The following WDHD1 variants were observed in gnomAD, a reference collection of about 807,000 sequenced individuals.
The protein encoded by WDHD1 is WD repeat and HMG-box DNA binding protein 1.
A neutral mutation model predicts 135.4 loss-of-function variants in WDHD1; 111 were observed. The ratio of observed to expected loss-of-function variants is 0.82; its 90% CI spans 0.70 to 0.96. The LOEUF (loss-of-function observed/expected upper bound fraction) is 0.96, where lower values mean the gene tolerates loss of function less well. WDHD1 is among the 40% of genes least tolerant of loss of function. The probability of loss-of-function intolerance (pLI) is 0.00; values close to 1 mark genes in which losing one functional copy is unlikely to be tolerated. For missense variants in WDHD1, 1,351 were observed against 1,336.3 expected (o/e 1.01, Z -0.17); for synonymous variants, 434 against 439.0 (o/e 0.99, Z 0.14).
intron 10 of WDHD1, among the ~76,000 whole-genome samples, chr14:54,999,390 ACTAGAACACT>A (rs1250795627): frequency 6.6e-6 from 1 of 152,162 alleles, no homozygotes; most frequent in African/African-American, 2.4e-5. Context: ...AGATGTTGAG[ACTAGAACACT>A]CTATGTGCTT....
At chr14:54,953,542 A>G (rs1057256938) in intron 24 of WDHD1, among the ~76,000 whole-genome samples, 17 of 152,232 alleles carry the variant, frequency 1.1e-4, no homozygotes, top group East Asian at 5.8e-4. Context: ...AACTAGTTCA[A>G]CCATTGTGGA....
intron 21 of WDHD1, among the ~76,000 whole-genome samples, chr14:54,960,022 A>G (rs2041225352): frequency 6.6e-6 from 1 of 152,120 alleles, no homozygotes; most frequent in Admixed American, 6.6e-5. Flanking sequence ...AGAAACTGAG[A>G]ATCACTCTTT....
chr14:54,954,748 A>G (rs1443374746), intron 24 of WDHD1, among the ~76,000 whole-genome samples: 1 of 151,994 alleles, frequency 6.6e-6, no homozygotes, highest in Non-Finnish European at 1.5e-5. Flanking sequence ...GGTTTTTTTG[A>G]GACAGAGTTT....
chr14:54,952,094 C>T (rs1283947990), intron 24 of WDHD1, among the ~76,000 whole-genome samples: 3 of 152,158 alleles, frequency 2.0e-5, no homozygotes, highest in Admixed American at 2.0e-4. Context: ...GACAGGGATG[C>T]CCTCTCTCAC....
intron 21 of WDHD1, 66 bp downstream of exon 21, chr14:54,962,432 G>A: frequency 1.6e-6 from 2 of 1,220,034 alleles, no homozygotes; most frequent in Admixed American, 1.7e-5. Context: ...TATTTGCGTA[G>A]ATGTGTCACT....
chr14:54,957,969 G>T (rs984072431), intron 21 of WDHD1, among the ~76,000 whole-genome samples: 3 of 152,096 alleles, frequency 2.0e-5, no homozygotes, highest in Admixed American at 2.0e-4. Context: ...TGCTTTGTCA[G>T]AAAACCTGAC....
At chr14:54,944,615 A>AT in intron 24 of WDHD1, 145 bp from the exon 25 acceptor site, 3 of 534,634 alleles carry the variant, frequency 5.6e-6, no homozygotes, top group South Asian at 4.9e-5. Flanking sequence ...AATTCATGTT[A>AT]CTTTTTTTTT....
rs186635441 is a variant in WDHD1, at chr14:54,995,005, G to A, written c.1153+598C>T. On this transcript the variant is annotated intron_variant, in intron 11 of 25. Transcript: ENST00000360586. The stretch of plus-strand genomic sequence containing the variant: ...TGATCTTTTCTTTTCTTTGGAGATG[G>A]AGTCTTGCTCTGTTGCCCATGCTGG... Among the ~76,000 whole-genome samples the A allele has an allele frequency of 3.1e-3, 469 of 152,172 alleles. 2 individuals carry two copies. Among genetic ancestry groups the A allele is most frequent in the African/African-American group, 0.011 (446 of 41,492 alleles).
chr14:54,966,733 AT>A, intron 17 of WDHD1, 127 bp from the exon 18 acceptor site: 2 of 1,095,102 alleles, frequency 1.8e-6, no homozygotes, highest in Non-Finnish European at 2.5e-6. Flanking sequence ...CTATAAGTTT[AT>A]TTTACAATTT....
chr14:54,988,763 G>GT lies in WDHD1; in HGVS notation c.1526+264dup, dbSNP rs1358466880. On this transcript the variant is annotated intron_variant, in intron 13 of 25. Coordinates refer to ENST00000360586, the MANE Select transcript of WDHD1 (RefSeq NM_007086.4). ...AAAAAAAAAAAAAGCACTTAACAAT[G>GT]TAAAAAAAAAATCCCATCTCTTGCA... 7.5e-5 allele frequency among the ~76,000 whole-genome samples: 11 copies of GT among 146,782 alleles called. No homozygotes were observed. The East Asian group carries it at 1.8e-3, about 24-fold the overall frequency.
chr14:55,002,110 C>T lies in WDHD1; in HGVS notation c.676G>A (p.Asp226Asn), dbSNP rs2041989414. The change falls in exon 8 of 26, where the codon GAT becomes AAT. Residue 226 changes from aspartate to asparagine, a missense_variant. Physicochemically the swap from Asp to Asn is conservative, Grantham distance 23. Coordinates refer to ENST00000360586, the MANE Select transcript of WDHD1 (RefSeq NM_007086.4). ...ESWSHQFDLS[D>N]NFISQTLNIV... ...AAACCTACCTGAGAGATGAAATTAT[C>T]TGAAAGATCAAATTGATGACTCCAA... is the stretch of plus-strand genomic sequence containing the variant. 6.2e-7 allele frequency: 1 copy of T among 1,605,882 alleles called. No individual in the cohort carries two copies. The highest frequency in any genetic ancestry group is 8.5e-7 in the Non-Finnish European group (1 of 1,177,456).
chr14:54,994,768 A>G (rs2041849780), intron 11 of WDHD1, among the ~76,000 whole-genome samples: 1 of 151,926 alleles, frequency 6.6e-6, no homozygotes, highest in Non-Finnish European at 1.5e-5. Flanking sequence ...CTCAAAAAAA[A>G]AAAAAAAATC....
At chr14:54,974,893 G>C (rs1341084970) in intron 16 of WDHD1, among the ~76,000 whole-genome samples, 1 of 152,136 alleles carries the variant, frequency 6.6e-6, no homozygotes, top group Non-Finnish European at 1.5e-5. Context: ...GCCCCAGCCA[G>C]CAAGTTTTGC....
chr14:54,951,737 T>C (rs1322177573), intron 24 of WDHD1, among the ~76,000 whole-genome samples: 1 of 152,340 alleles, frequency 6.6e-6, no homozygotes, highest in East Asian at 1.9e-4. Flanking sequence ...TGAACATCGA[T>C]GCAAAAATCC....
At chr14:55,007,742 C>T (rs1336853028) in intron 6 of WDHD1, among the ~76,000 whole-genome samples, 1 of 152,130 alleles carries the variant, frequency 6.6e-6, no homozygotes, top group Non-Finnish European at 1.5e-5. Context: ...TTTTAAATAG[C>T]TCAAGAATGA....
intron 2 of WDHD1, among the ~76,000 whole-genome samples, chr14:55,026,137 CAA>C (rs2042434481): frequency 6.6e-6 from 1 of 151,854 alleles, no homozygotes; most frequent in Non-Finnish European, 1.5e-5. Context: ...TAGTCCCCAG[CAA>C]AAGAGACACA....
At chr14:54,955,835 GTAAA>G (rs1177144661) in intron 23 of WDHD1, 141 bp from the exon 24 acceptor site, 38 of 674,070 alleles carry the variant, frequency 5.6e-5, no homozygotes, top group Middle Eastern at 1.2e-3. Context: ...GTTCTCAGTT[GTAAA>G]TAAATAGGCA....
chr14:54,977,570 G>T (rs1450403147), intron 16 of WDHD1, among the ~76,000 whole-genome samples: 2 of 152,068 alleles, frequency 1.3e-5, no homozygotes, highest in Non-Finnish European at 2.9e-5. Context: ...ACTAAATGTA[G>T]AGCTACTAGA....
chr14:55,009,723 C>T (rs959159825), intron 4 of WDHD1, among the ~76,000 whole-genome samples: 28 of 151,902 alleles, frequency 1.8e-4, no homozygotes, highest in Admixed American at 5.3e-4. Context: ...TGAGCCACGA[C>T]GCCAGCCCTA....
Sources: allele counts gnomAD v4.1 joint callset (sites outside exome capture counted in the v4.1 genomes callset), GRCh38; gene constraint gnomAD v4.1.1; transcripts MANE v1.5; gene names NCBI Gene and HGNC (gene_info 2026-07-23, HGNC 2026-07-21).